Variants in ENOX1 observed in about 807,000 individuals in gnomAD.
The protein encoded by ENOX1 is candidate growth-related and time keeping constitutive hydroquinone (NADH) oxidase.
ENOX1 carries 42 observed loss-of-function variants against 82.5 expected under a neutral mutation model. The ratio of observed to expected loss-of-function variants is 0.51; its 90% CI spans 0.40 to 0.66. ENOX1 has a LOEUF of 0.66. Ranked by LOEUF, ENOX1 falls within the 30% of genes least tolerant of loss-of-function variation. The pLI, the probability that ENOX1 is intolerant of heterozygous loss-of-function variation, is 0.00. For missense variants in ENOX1, 608 were observed against 811.6 expected (o/e 0.75, Z 3.05); for synonymous variants, 271 against 282.2 (o/e 0.96, Z 0.40).
chr13:43,747,683 G>C (rs952485228), intron 1 of ENOX1, among the ~76,000 whole-genome samples: 2 of 152,186 alleles, frequency 1.3e-5, no homozygotes, highest in Non-Finnish European at 2.9e-5. Flanking sequence ...AGATTCTTTG[G>C]TAATGTTGAG....
intron 1 of ENOX1, among the ~76,000 whole-genome samples, chr13:43,673,192 T>TAC (rs1481755285): frequency 2.6e-5 from 4 of 151,218 alleles, no homozygotes; most frequent in South Asian, 2.1e-4. Flanking sequence ...TATATATATA[T>TAC]ACATGTTCGA....
At chr13:43,226,469 G>A (rs1214887836) in intron 15 of ENOX1, among the ~76,000 whole-genome samples, 2 of 152,320 alleles carry the variant, frequency 1.3e-5, no homozygotes, top group East Asian at 3.9e-4. Flanking sequence ...GAAGTATACA[G>A]TAAATTACTG....
At chr13:43,765,554 C>T (rs1951214171) in intron 1 of ENOX1, among the ~76,000 whole-genome samples, 1 of 152,164 alleles carries the variant, frequency 6.6e-6, no homozygotes, top group African/African-American at 2.4e-5. Context: ...TGATCACACA[C>T]TGTTAGTTAT....
chr13:43,582,022 A>G (rs1485006682), intron 2 of ENOX1, among the ~76,000 whole-genome samples: 2 of 152,200 alleles, frequency 1.3e-5, no homozygotes, highest in East Asian at 3.8e-4. Context: ...AATATCTACA[A>G]AACAGGCACA....
At chr13:43,421,641 C>T (rs2054982680) in intron 3 of ENOX1, among the ~76,000 whole-genome samples, 1 of 152,154 alleles carries the variant, frequency 6.6e-6, no homozygotes, top group African/African-American at 2.4e-5. Context: ...GAGATATATA[C>T]TCTTTCTCCC....
At chr13:43,308,913 A>T (rs7325860) in intron 11 of ENOX1, among the ~76,000 whole-genome samples, 145,188 of 152,278 alleles carry the variant, frequency 0.95, 69,627 homozygotes, top group East Asian at 1. Context: ...GATGAGCCTC[A>T]TGTCATTGCT....
intron 2 of ENOX1, among the ~76,000 whole-genome samples, chr13:43,636,732 G>C (rs923103324): frequency 6.6e-5 from 10 of 152,198 alleles, no homozygotes; most frequent in Non-Finnish European, 1.5e-4. Context: ...AGGAAGACAA[G>C]TCAGGAAGGA....
At chr13:43,762,954 CTG>C (rs1456364336) in intron 1 of ENOX1, among the ~76,000 whole-genome samples, 4 of 152,126 alleles carry the variant, frequency 2.6e-5, no homozygotes, top group Non-Finnish European at 4.4e-5. Context: ...AAAAGGCAAA[CTG>C]TGTAAATATG....
intron 3 of ENOX1, among the ~76,000 whole-genome samples, chr13:43,439,180 G>A (rs1040091951): frequency 6.6e-6 from 1 of 150,786 alleles, no homozygotes; most frequent in African/African-American, 2.4e-5. Context: ...CTCCCGAGTA[G>A]CTGGGATTAC....
intron 2 of ENOX1, among the ~76,000 whole-genome samples, chr13:43,586,668 C>G (rs7337274): frequency 1.3e-5 from 2 of 152,102 alleles, no homozygotes; most frequent in Non-Finnish European, 2.9e-5. Context: ...TTACTTTCAG[C>G]TCATATTTGG....
At chr13:43,450,742 G>A (rs367872266) in intron 3 of ENOX1, among the ~76,000 whole-genome samples, 2 of 152,214 alleles carry the variant, frequency 1.3e-5, no homozygotes, top group Admixed American at 6.5e-5. Context: ...AGGTAGTGGC[G>A]TGGACTCAGG....
chr13:43,389,103 A>T (rs945492705), intron 5 of ENOX1, among the ~76,000 whole-genome samples: 4 of 152,210 alleles, frequency 2.6e-5, no homozygotes, highest in Non-Finnish European at 5.9e-5. Flanking sequence ...AATAGCAAAC[A>T]TTCAAGTAAG....
chr13:43,593,023 C>T (rs1045166185), intron 2 of ENOX1, among the ~76,000 whole-genome samples: 4 of 152,182 alleles, frequency 2.6e-5, no homozygotes, highest in South Asian at 2.1e-4. Flanking sequence ...TCAGCAGCAA[C>T]GCTGTGCTAG....
In ENOX1 at chr13:43,347,996, G is replaced by A. The variant is rs1022534094; in HGVS notation, c.824-3246C>T. ...TGAGTTAATGGACAGGTCCATTCAC[G>A]GGTCTTGCCTTTTTCCCTTCCATCC... On this transcript the variant is annotated intron_variant, in intron 8 of 16. Transcript: ENST00000690772. Among the ~76,000 whole-genome samples the A allele has an allele frequency of 8.5e-5, 13 of 152,128 alleles. 1 individual carries two copies. Among genetic ancestry groups the A allele is most frequent in the African/African-American group, 2.9e-4 (12 of 41,430 alleles).
chr13:43,342,264 C>T (rs1285220302), intron 9 of ENOX1, among the ~76,000 whole-genome samples: 5 of 151,944 alleles, frequency 3.3e-5, no homozygotes, highest in Non-Finnish European at 4.4e-5. Context: ...TGGGTGGTGG[C>T]GGTTACAATG....
intron 3 of ENOX1, among the ~76,000 whole-genome samples, chr13:43,435,170 G>A (rs2055942660): frequency 2.6e-5 from 4 of 151,900 alleles, no homozygotes. Context: ...GGAAACTGAT[G>A]GGCCACGCAA....
At chr13:43,651,936 T>C (rs1319813209) in intron 2 of ENOX1, among the ~76,000 whole-genome samples, 1 of 125,398 alleles carries the variant, frequency 8.0e-6, no homozygotes, top group African/African-American at 3.2e-5. Flanking sequence ...GATCGTGCCA[T>C]CGCAGCCTGG....
intron 1 of ENOX1, among the ~76,000 whole-genome samples, chr13:43,775,518 G>A (rs1951860747): frequency 1.3e-5 from 2 of 152,118 alleles, no homozygotes; most frequent in South Asian, 4.1e-4. Context: ...CAGTAGACCT[G>A]GTGGTGATCT....
chr13:43,409,411 G>T (rs544465108), intron 5 of ENOX1, among the ~76,000 whole-genome samples: 3 of 152,170 alleles, frequency 2.0e-5, no homozygotes, highest in African/African-American at 7.2e-5. Flanking sequence ...AATATTATTT[G>T]CTTTAAAAAA....
Sources: allele counts gnomAD v4.1 joint callset (sites outside exome capture counted in the v4.1 genomes callset), GRCh38; gene constraint gnomAD v4.1.1; transcripts MANE v1.5; gene names NCBI Gene and HGNC (gene_info 2026-07-23, HGNC 2026-07-21).